Variants in MAN1A2 observed in about 807,000 individuals in gnomAD.
MAN1A2 encodes mannosidase alpha class 1A member 2.
In MAN1A2, 26 loss-of-function variants were observed where a neutral mutation model predicts 75.7. The ratio of observed to expected loss-of-function variants is 0.34; its 90% CI spans 0.25 to 0.48. The LOEUF (loss-of-function observed/expected upper bound fraction) is 0.48. Among genes scored for constraint, MAN1A2 ranks in the 20% least tolerant of loss-of-function variants. The probability of loss-of-function intolerance (pLI) is 0.99; values close to 1 mark genes in which losing one functional copy is unlikely to be tolerated. For synonymous variants in MAN1A2, 247 were observed against 264.6 expected (o/e 0.93, Z 0.65); for missense variants, 562 against 775.5 (o/e 0.72, Z 3.27).
intron 4 of MAN1A2, among the ~76,000 whole-genome samples, chr1:117,415,128 A>G (rs1291626718): frequency 1.3e-5 from 2 of 152,046 alleles, no homozygotes; most frequent in East Asian, 3.9e-4. Flanking sequence ...GTCAAGTGGC[A>G]CTGCTTAGGT....
intron 5 of MAN1A2, among the ~76,000 whole-genome samples, chr1:117,436,659 C>T (rs960441150): frequency 2.0e-5 from 3 of 152,122 alleles, no homozygotes; most frequent in East Asian, 1.9e-4. Flanking sequence ...GGCTTACTTT[C>T]GCTTACTATA....
At chr1:117,510,441 A>G (rs1489578798) in intron 12 of MAN1A2, among the ~76,000 whole-genome samples, 1 of 152,110 alleles carries the variant, frequency 6.6e-6, no homozygotes, top group Admixed American at 6.6e-5. Flanking sequence ...TTTTGTTTTA[A>G]GTAAATCTTA....
rs922650045 is a variant in MAN1A2 at position 117,472,812 on chromosome 1, A to AT, written c.1168+6396dup. Among the ~76,000 whole-genome samples, 266 of 148,194 alleles carry AT rather than the reference A, an allele frequency of 1.8e-3. 1 individual carries two copies. The highest frequency in any genetic ancestry group is 5.6e-3 in the African/African-American group (228 of 40,626). On this transcript the variant is annotated intron_variant, in intron 8 of 12. Transcript: ENST00000356554. The stretch of plus-strand genomic sequence containing the variant: ...TTGATAAACTTTCTTAAAACATGAG[A>AT]TTTTTTTTTTTACAATTTTTAAAAA...
intron 6 of MAN1A2, among the ~76,000 whole-genome samples, chr1:117,447,875 C>G (rs751281667): frequency 1.3e-5 from 2 of 152,064 alleles, no homozygotes; most frequent in African/African-American, 4.8e-5. Flanking sequence ...CAGCTTTGTT[C>G]TTTTTGCTTA....
chr1:117,492,276 C>T (rs1006244927), intron 8 of MAN1A2, among the ~76,000 whole-genome samples: 2 of 152,056 alleles, frequency 1.3e-5, no homozygotes, highest in Non-Finnish European at 2.9e-5. Flanking sequence ...CCAGCCACCC[C>T]AGCCTTCAGC....
At chr1:117,414,947 C>A in intron 4 of MAN1A2, 116 bp downstream of exon 4, 1 of 636,418 alleles carries the variant, frequency 1.6e-6, no homozygotes. Flanking sequence ...AACCTAATCA[C>A]TAATGTGACG....
chr1:117,439,208 G>A (rs185384683), intron 5 of MAN1A2, among the ~76,000 whole-genome samples: 141 of 152,240 alleles, frequency 9.3e-4, no homozygotes, highest in Non-Finnish European at 1.7e-3. Context: ...GAAGGAGGGG[G>A]TGAAGCCATA....
intron 1 of MAN1A2, among the ~76,000 whole-genome samples, chr1:117,368,955 G>A (rs1256047606): frequency 6.6e-6 from 1 of 152,144 alleles, no homozygotes; most frequent in Non-Finnish European, 1.5e-5. Flanking sequence ...TGTAGTTGAA[G>A]CTTAGTAGTG....
At chr1:117,411,359 C>G (rs982312058) in intron 3 of MAN1A2, among the ~76,000 whole-genome samples, 3 of 151,740 alleles carry the variant, frequency 2.0e-5, no homozygotes, top group Admixed American at 6.6e-5. Flanking sequence ...ACAAGTGGTG[C>G]TGGGTCAACT....
intron 5 of MAN1A2, among the ~76,000 whole-genome samples, chr1:117,438,834 A>G (rs1055286932): frequency 3.9e-5 from 6 of 152,180 alleles, no homozygotes; most frequent in South Asian, 4.1e-4. Flanking sequence ...AGTATACCCT[A>G]TGATGTTTGC....
chr1:117,459,733 G>A (rs755437959), intron 6 of MAN1A2, among the ~76,000 whole-genome samples: 10 of 152,054 alleles, frequency 6.6e-5, no homozygotes, highest in Non-Finnish European at 1.5e-4. Flanking sequence ...ATGTTTATGA[G>A]ATTATTCACT....
chr1:117,429,731 C>T (rs1214027364), intron 5 of MAN1A2, among the ~76,000 whole-genome samples: 3 of 109,200 alleles, frequency 2.7e-5, no homozygotes, highest in East Asian at 2.7e-4. Flanking sequence ...ACCTCCCTCC[C>T]GGACGGGGCG....
At chr1:117,499,677 A>G (rs932691925) in intron 11 of MAN1A2, 123 bp downstream of exon 11, 2 of 523,090 alleles carry the variant, frequency 3.8e-6, no homozygotes, top group Non-Finnish European at 6.1e-6. Flanking sequence ...TATTTATCTG[A>G]TGAAGAAACT....
chr1:117,462,592 A>G (rs541044932), intron 7 of MAN1A2, among the ~76,000 whole-genome samples: 2 of 152,272 alleles, frequency 1.3e-5, no homozygotes, highest in East Asian at 3.9e-4. Context: ...TTTATTAGAA[A>G]TGTTATGTAT....
At chr1:117,518,528 A>G (rs1651784248) in intron 12 of MAN1A2, among the ~76,000 whole-genome samples, 1 of 152,026 alleles carries the variant, frequency 6.6e-6, no homozygotes, top group Admixed American at 6.6e-5. Flanking sequence ...AAGAAGAAAA[A>G]GTTTTTAAAA....
chr1:117,466,471 G>T (rs1649987298), intron 8 of MAN1A2, 44 bp downstream of exon 8: 2 of 1,287,106 alleles, frequency 1.6e-6, no homozygotes, highest in Admixed American at 2.2e-5. Flanking sequence ...AAAATTATTT[G>T]TCTGAAAACT....
intron 2 of MAN1A2, among the ~76,000 whole-genome samples, chr1:117,405,083 A>G (rs1647569897): frequency 6.6e-6 from 1 of 152,184 alleles, no homozygotes; most frequent in African/African-American, 2.4e-5. Flanking sequence ...TTTAATTTGA[A>G]CACAACCATG....
In MAN1A2 at chr1:117,442,270, C is replaced by A. The variant is rs772174557; in HGVS notation, c.895C>A (p.Leu299Ile). The A allele has an allele frequency of 2.5e-6, 4 of 1,612,480 alleles. No homozygotes were observed. In the African/African-American group the frequency reaches 4.0e-5, roughly 16 times the overall value. The change falls in exon 6 of 13, where the codon CTT (leucine) becomes ATT (isoleucine). Residue 299 changes from leucine to isoleucine, a missense_variant. Leu to Ile is a conservative substitution (Grantham distance 5). Coordinates refer to ENST00000356554, the MANE Select transcript of MAN1A2 (RefSeq NM_006699.5). Reference protein sequence around the residue: ...IKAVQLAEKLLPAFNTPTGIP... With the variant: ...IKAVQLAEKLIPAFNTPTGIP... ...AGCAGTGCAATTGGCTGAGAAACTC[C>A]TTCCTGCCTTTAACACACCTACTGG...
In MAN1A2 at chr1:117,417,534, AAT is replaced by A. The variant is rs551507232; in HGVS notation, c.774+2726_774+2727del. ...GACTTTGGAGATATCCTTGAGTTTAAATATATATATATATATATATATATGTG... is the reference window on the plus strand; with the variant it reads ...GACTTTGGAGATATCCTTGAGTTTAAATATATATATATATATATATATGTG... On this transcript the variant is annotated intron_variant, in intron 4 of 12. Coordinates refer to ENST00000356554, the MANE Select transcript of MAN1A2 (RefSeq NM_006699.5). Among the ~76,000 whole-genome samples the A allele has an allele frequency of 2.4e-3, 217 of 89,164 alleles. 8 individuals are homozygous for A. Among genetic ancestry groups the A allele is most frequent in the South Asian group, 9.2e-3 (19 of 2,076 alleles). 58.5% of individuals were successfully genotyped at this position (89,164 alleles called of 152,430 possible).
Sources: gnomAD v4.1 joint callset for allele counts (sites outside exome capture counted in the v4.1 genomes callset) on GRCh38, gnomAD v4.1.1 for gene constraint, MANE v1.5 for transcripts, NCBI Gene and HGNC (gene_info 2026-07-23, HGNC 2026-07-21) for gene names.